Variants in PTPN4 observed in about 807,000 individuals in gnomAD.
The protein encoded by PTPN4 is protein tyrosine phosphatase non-receptor type 4, also known as tyrosine-protein phosphatase non-receptor type 4.
In PTPN4, 49 loss-of-function variants were observed where a neutral mutation model predicts 135.5. The ratio of observed to expected loss-of-function variants is 0.36; its 90% CI spans 0.29 to 0.46. The LOEUF (loss-of-function observed/expected upper bound fraction) is 0.46, where lower values mean the gene tolerates loss of function less well. PTPN4 is among the 20% of genes least tolerant of loss of function. PTPN4 has a pLI of 1.00. For missense variants in PTPN4, 860 were observed against 1,101.0 expected (o/e 0.78, Z 3.10); for synonymous variants, 333 against 369.9 (o/e 0.90, Z 1.14).
chr2:119,967,777 G>T, intron 25 of PTPN4, 60 bp from the exon 26 acceptor site: 1 of 1,375,204 alleles, frequency 7.3e-7, no homozygotes. Context: ...ATGCACAAAA[G>T]CCACAAGTAG....
chr2:119,968,737 AGCCGAGATTGC>A (rs1252174030), intron 26 of PTPN4, among the ~76,000 whole-genome samples: 2 of 152,124 alleles, frequency 1.3e-5, no homozygotes, highest in Admixed American at 1.3e-4. Flanking sequence ...GCTTGCAGTG[AGCCGAGATTGC>A]GCCACTGTAC....
At chr2:119,968,257 ACTG>A (rs2105063394) in intron 26 of PTPN4, among the ~76,000 whole-genome samples, 1 of 152,304 alleles carries the variant, frequency 6.6e-6, no homozygotes, top group Admixed American at 6.5e-5. Context: ...TACCATATGG[ACTG>A]CTATTTCTAA....
intron 12 of PTPN4, among the ~76,000 whole-genome samples, chr2:119,924,667 G>T (rs1678793640): frequency 6.6e-6 from 1 of 151,958 alleles, no homozygotes; most frequent in Non-Finnish European, 1.5e-5. Context: ...AATCCCTAAT[G>T]TCTGTATTAT....
At chr2:119,942,906 A>G (rs1404243081) in intron 15 of PTPN4, among the ~76,000 whole-genome samples, 1 of 152,182 alleles carries the variant, frequency 6.6e-6, no homozygotes. Flanking sequence ...GTAACATAAG[A>G]ACTACCACAT....
intron 3 of PTPN4, among the ~76,000 whole-genome samples, chr2:119,873,968 AC>A (rs375970448): frequency 2.3e-3 from 346 of 152,330 alleles, no homozygotes; most frequent in African/African-American, 8.1e-3. Context: ...TATTGAAGAG[AC>A]TTGAAAATGT....
intron 2 of PTPN4, among the ~76,000 whole-genome samples, chr2:119,842,616 G>A (rs1377885248): frequency 1.2e-4 from 19 of 152,168 alleles, no homozygotes; most frequent in Admixed American, 1.2e-3. Flanking sequence ...ATTGATAGAC[G>A]TGTAGAGTAG....
At chr2:119,946,277 A>T in intron 16 of PTPN4, 64 bp from the exon 17 acceptor site, 1 of 1,245,706 alleles carries the variant, frequency 8.0e-7, no homozygotes, top group Non-Finnish European at 1.1e-6. Context: ...TATGCTTCCT[A>T]TATATCTGAA....
chr2:119,814,606 C>T (rs1208656592), intron 2 of PTPN4, among the ~76,000 whole-genome samples: 1 of 152,136 alleles, frequency 6.6e-6, no homozygotes, highest in East Asian at 1.9e-4. Context: ...AAGGTGACCA[C>T]TGAAGTTGCT....
At chr2:119,822,436 G>A (rs1574352603) in intron 2 of PTPN4, among the ~76,000 whole-genome samples, 1 of 138,114 alleles carries the variant, frequency 7.2e-6, no homozygotes, top group African/African-American at 2.7e-5. Flanking sequence ...TCAGCTCACT[G>A]CAACCTCCAC....
intron 22 of PTPN4, among the ~76,000 whole-genome samples, chr2:119,958,247 G>C (rs529664825): frequency 6.6e-6 from 1 of 150,882 alleles, no homozygotes; most frequent in East Asian, 2.0e-4. Flanking sequence ...TGAGGTGGGA[G>C]AATTGCTTGA....
At chr2:119,946,320 A>G in intron 16 of PTPN4, 21 bp from the exon 17 acceptor site, 2 of 1,524,636 alleles carry the variant, frequency 1.3e-6, no homozygotes, top group East Asian at 4.6e-5. Flanking sequence ...ATTACAAGTT[A>G]TTTAATTTTG....
In PTPN4 at chr2:119,982,702, T is replaced by C. The variant is rs1192912038; in HGVS notation, c.*5632T>C. On this transcript the variant is annotated 3_prime_UTR_variant, in exon 27 of 27. Transcript: ENST00000263708. Reference sequence around the variant, plus strand: ...TTTACCATAGAGAACGTTGCCAGGCTTTGTCAAATGAGGACATTGTTGTGA... The same window carrying C: ...TTTACCATAGAGAACGTTGCCAGGCCTTGTCAAATGAGGACATTGTTGTGA... 6.6e-6 allele frequency: 1 copy of C among 152,198 alleles called. No homozygotes were observed. The highest frequency in any genetic ancestry group is 1.5e-5 in the Non-Finnish European group (1 of 68,048). 9.4% of individuals were successfully genotyped at this position (152,198 alleles called of 1,614,324 possible).
In PTPN4 at chr2:119,809,991, T is replaced by C. The variant is rs144382245; in HGVS notation, c.138T>C (p.Asn46=). 32 of 1,603,748 alleles carry C rather than the reference T, an allele frequency of 2.0e-5. No homozygotes were observed. The Middle Eastern group carries it at 5.0e-4, about 25-fold the overall frequency. ...LDNTVQAFKV[N]KHDQGQVLLD... The stretch of plus-strand genomic sequence containing the variant: ...ACACTGTACAAGCTTTCAAAGTCAA[T>C]GTAAGTATTTTGTGTCTTTTAAAAA... Residue 46 remains asparagine (N), a splice_region_variant and synonymous_variant, in exon 2 of 27, where the codon AAT becomes AAC. Coordinates refer to ENST00000263708, the MANE Select transcript of PTPN4 (RefSeq NM_002830.4).
intron 15 of PTPN4, among the ~76,000 whole-genome samples, chr2:119,936,324 C>T (rs1351832791): frequency 6.6e-6 from 1 of 152,110 alleles, no homozygotes; most frequent in Non-Finnish European, 1.5e-5. Flanking sequence ...TTTATAGATT[C>T]ACAAACCCCC....
At position 119,952,120 on chromosome 2, in the gene PTPN4, C is replaced by T. The variant is rs1345475710; in HGVS notation, c.1804C>T (p.Arg602Ter). The change falls in exon 19 of 27, where the codon CGA (arginine) becomes TGA (stop). Residue 602 changes from arginine to a stop codon, truncating the protein, a stop_gained. Coordinates refer to ENST00000263708, the MANE Select transcript of PTPN4 (RefSeq NM_002830.4). LOFTEE classifies it high-confidence loss of function. ...RHSGELMLLVRPNAVYDVVEE... is the reference protein window; with the variant it reads ...RHSGELMLLV The stretch of plus-strand genomic sequence containing the variant: ...TTCTGGGGAACTCATGCTTCTAGTT[C>T]GACCTAATGGTGAGTACTCTATGTA... 6.2e-7 allele frequency: 1 copy of T among 1,611,468 alleles called. No homozygotes were observed. The highest frequency in any genetic ancestry group is 8.5e-7 in the Non-Finnish European group (1 of 1,178,164).
At chr2:119,875,758 A>G (rs1166600365) in intron 3 of PTPN4, among the ~76,000 whole-genome samples, 1 of 152,122 alleles carries the variant, frequency 6.6e-6, no homozygotes, top group Non-Finnish European at 1.5e-5. Flanking sequence ...TTTAACTCAT[A>G]TTATGTCAAG....
chr2:119,883,894 AC>A (rs1678116315), intron 8 of PTPN4, among the ~76,000 whole-genome samples: 1 of 152,188 alleles, frequency 6.6e-6, no homozygotes, highest in East Asian at 1.9e-4. Context: ...TGTATCTAAA[AC>A]AGGATAACAA....
chr2:119,928,808 G>T (rs1419819135), intron 13 of PTPN4, among the ~76,000 whole-genome samples: 2 of 151,954 alleles, frequency 1.3e-5, no homozygotes, highest in Non-Finnish European at 2.9e-5. Flanking sequence ...AACGTGCGAT[G>T]TGGTCACTAG....
chr2:119,760,498 G>A (rs1454276937), intron 1 of PTPN4, 114 bp downstream of exon 1: 8 of 387,722 alleles, frequency 2.1e-5, no homozygotes, highest in Non-Finnish European at 3.6e-5. Context: ...CCGGAGGTAC[G>A]AGGATGATTT....
Sources: allele counts gnomAD v4.1 joint callset (sites outside exome capture counted in the v4.1 genomes callset), GRCh38; gene constraint gnomAD v4.1.1; transcripts MANE v1.5; gene names NCBI Gene and HGNC (gene_info 2026-07-23, HGNC 2026-07-21).